TMEM45A: variants seen among roughly 807,000 people sequenced by gnomAD.
TMEM45A encodes the protein DNA polymerase-transactivated protein 4.
A neutral mutation model predicts 32.0 loss-of-function variants in TMEM45A; 25 were observed. That is an observed-to-expected ratio of 0.78 (90% confidence interval 0.57 to 1.09). TMEM45A has a LOEUF of 1.09. Among genes scored for constraint, TMEM45A ranks in the 50% least tolerant of loss-of-function variants. TMEM45A has a pLI of 0.00. For missense variants in TMEM45A, 302 were observed against 325.0 expected, an observed-to-expected ratio of 0.93 and a Z score of 0.54; for synonymous variants, 122 against 114.8, an observed-to-expected ratio of 1.06 and a Z score of -0.40.
chr3:100,506,397 A>G (rs1708081350), intron 1 of TMEM45A, among the ~76,000 whole-genome samples: 1 of 152,208 alleles, frequency 6.6e-6, no homozygotes, highest in African/African-American at 2.4e-5. Flanking sequence ...TAAAATTCAC[A>G]GTATCTGACA....
intron 1 of TMEM45A, among the ~76,000 whole-genome samples, chr3:100,509,124 A>G (rs1247711772): frequency 6.6e-6 from 1 of 152,228 alleles, no homozygotes; most frequent in Non-Finnish European, 1.5e-5. Flanking sequence ...CAGAAAAAAA[A>G]TCCCATCAGA....
intron 1 of TMEM45A, among the ~76,000 whole-genome samples, chr3:100,534,892 C>T (rs930008413): frequency 4.6e-5 from 7 of 152,174 alleles, no homozygotes; most frequent in African/African-American, 1.7e-4. Flanking sequence ...GAGGGCAGGA[C>T]TGGGCTGATG....
intron 1 of TMEM45A, among the ~76,000 whole-genome samples, chr3:100,512,997 A>C (rs1708193510): frequency 1.3e-5 from 2 of 150,016 alleles, no homozygotes; most frequent in Non-Finnish European, 1.5e-5. Context: ...CTTACCAACC[A>C]AAAAGAGTCC....
chr3:100,556,824 T>A lies in TMEM45A; in HGVS notation c.255T>A (p.Gly85=). 6.2e-7 allele frequency: 1 copy of A among 1,614,142 alleles called. No individual in the cohort carries two copies. The highest frequency in any genetic ancestry group is 8.5e-7 in the Non-Finnish European group (1 of 1,180,008). ...TGATGTTATATGACTATAAACAAGG[T>A]CACTGGAATCAACTCCTGGGCTGGC... ...PHLMLYDYKQ[G]HWNQLLGWHH... The change falls in exon 3 of 6, where the codon GGT becomes GGA. Residue 85 remains glycine, a synonymous_variant. Coordinates refer to ENST00000323523, the MANE Select transcript of TMEM45A (RefSeq NM_018004.3).
At chr3:100,497,187 G>A (rs148607617) in intron 1 of TMEM45A, among the ~76,000 whole-genome samples, 1 of 152,164 alleles carries the variant, frequency 6.6e-6, no homozygotes, top group African/African-American at 2.4e-5. Context: ...TAAGCACACA[G>A]GCTTTGAAGT....
At chr3:100,565,170 C>T (rs917576627) in intron 4 of TMEM45A, among the ~76,000 whole-genome samples, 2 of 152,148 alleles carry the variant, frequency 1.3e-5, no homozygotes, top group Non-Finnish European at 2.9e-5. Flanking sequence ...CTACGACATA[C>T]GAGGATGACG....
chr3:100,530,040 T>G (rs1010099615), intron 1 of TMEM45A, among the ~76,000 whole-genome samples: 1 of 152,190 alleles, frequency 6.6e-6, no homozygotes, highest in African/African-American at 2.4e-5. Context: ...CCCAACTTTT[T>G]AAATGGAAAA....
intron 2 of TMEM45A, 95 bp from the exon 3 acceptor site, chr3:100,556,665 C>A (rs1576288535): frequency 8.8e-7 from 1 of 1,136,864 alleles, no homozygotes; most frequent in Non-Finnish European, 1.3e-6. Flanking sequence ...CAAAAGAGGA[C>A]ATTAGATTGG....
At position 100,555,669 on chromosome 3, in the gene TMEM45A, T is replaced by C. The variant is rs150605398; in HGVS notation, c.190+268T>C. 1.7e-4 allele frequency among the ~76,000 whole-genome samples: 26 copies of C among 152,328 alleles called. No individual in the cohort carries two copies. In the East Asian group the frequency reaches 4.6e-3, roughly 27 times the overall value. On this transcript the variant is annotated intron_variant, in intron 2 of 5. Transcript: ENST00000323523. ...TGGTTCCTAAATTGGAGAAAGAGAT[T>C]AGGCCAGATGACTTCTAAGGCCTTT...
At chr3:100,519,441 C>A in intron 1 of TMEM45A, 1 of 796,298 alleles carries the variant, frequency 1.3e-6, no homozygotes. Flanking sequence ...AAGTTTCAGC[C>A]TATTGATTTT....
intron 4 of TMEM45A, among the ~76,000 whole-genome samples, chr3:100,564,239 C>T (rs1442887301): frequency 6.6e-6 from 1 of 152,144 alleles, no homozygotes; most frequent in Non-Finnish European, 1.5e-5. Context: ...AAATAAAATG[C>T]ATTGGGCCAG....
chr3:100,546,068 G>A (rs1705973492), intron 1 of TMEM45A, among the ~76,000 whole-genome samples: 2 of 152,198 alleles, frequency 1.3e-5, no homozygotes, highest in Non-Finnish European at 2.9e-5. Flanking sequence ...GGTCAGAGAT[G>A]GAACATTACT....
chr3:100,562,659 C>T (rs931353443), intron 4 of TMEM45A, among the ~76,000 whole-genome samples: 2 of 152,196 alleles, frequency 1.3e-5, no homozygotes, highest in African/African-American at 2.4e-5. Flanking sequence ...TTAGACCAAC[C>T]TGAATCTGTA....
chr3:100,540,502 C>A (rs1053097916), intron 1 of TMEM45A, among the ~76,000 whole-genome samples: 3 of 152,170 alleles, frequency 2.0e-5, no homozygotes, highest in Non-Finnish European at 2.9e-5. Flanking sequence ...TACTATACAC[C>A]TATCAGGAAC....
chr3:100,510,061 C>T (rs1442546165), intron 1 of TMEM45A, among the ~76,000 whole-genome samples: 1 of 152,206 alleles, frequency 6.6e-6, no homozygotes, highest in Non-Finnish European at 1.5e-5. Context: ...CGCCATTGTC[C>T]AGGCTTGCTT....
Position 100,554,053 on chromosome 3 carries a change from C to G in TMEM45A, c.-3-1156C>G, listed in dbSNP as rs540467302. 6.6e-5 allele frequency among the ~76,000 whole-genome samples: 10 copies of G among 152,260 alleles called. No homozygotes were observed. In the South Asian group the frequency reaches 2.1e-3, roughly 32 times the overall value. ...CCTGAAATCTCCTTTCATGAGTTTC[C>G]TTGGACCTGGCCTAGTGTCAGATCC... is the stretch of plus-strand genomic sequence containing the variant. On this transcript the variant is annotated intron_variant, in intron 1 of 5. Coordinates refer to ENST00000323523, the MANE Select transcript of TMEM45A (RefSeq NM_018004.3).
intron 4 of TMEM45A, among the ~76,000 whole-genome samples, chr3:100,560,244 T>C (rs1706305843): frequency 7.3e-6 from 1 of 136,548 alleles, no homozygotes; most frequent in African/African-American, 2.9e-5. Context: ...GGCTGTTTTC[T>C]GCTTCTCTCT....
At chr3:100,531,120 A>G (rs2148956566) in intron 1 of TMEM45A, among the ~76,000 whole-genome samples, 1 of 152,330 alleles carries the variant, frequency 6.6e-6, no homozygotes, top group South Asian at 2.1e-4. Context: ...GTAAAATTCT[A>G]AATTCGATCA....
At chr3:100,506,591 C>A (rs964638915) in intron 1 of TMEM45A, among the ~76,000 whole-genome samples, 1 of 152,200 alleles carries the variant, frequency 6.6e-6, no homozygotes. Flanking sequence ...TTTATCTTGG[C>A]TTCTGAGATA....
Sources: gnomAD v4.1 joint callset for allele counts (sites outside exome capture counted in the v4.1 genomes callset) on GRCh38, gnomAD v4.1.1 for gene constraint, MANE v1.5 for transcripts, NCBI Gene and HGNC (gene_info 2026-07-23, HGNC 2026-07-21) for gene names.